The following ZNF679 variants were observed in gnomAD, a reference collection of about 807,000 sequenced individuals.
The protein encoded by ZNF679 is zinc finger protein 679, also known as hypothetical protein MGC42415.
Under a neutral mutation model 13.4 loss-of-function variants are expected in ZNF679, and 10 were observed. The observed-to-expected ratio is 0.75, with a 90% CI of 0.46 to 1.27. The LOEUF is 1.27. Ranked by LOEUF, ZNF679 falls within the 50% of genes most tolerant of loss-of-function variation. The pLI is 0.00. For synonymous variants in ZNF679, 179 were observed against 162.5 expected, an observed-to-expected ratio of 1.10 and a Z score of -0.77; for missense variants, 525 against 477.8, an observed-to-expected ratio of 1.10 and a Z score of -0.92.
At chr7:64,235,613 A>T (rs1483379555) in intron 1 of ZNF679, among the ~76,000 whole-genome samples, 1 of 151,920 alleles carries the variant, frequency 6.6e-6, no homozygotes, top group Non-Finnish European at 1.5e-5. Context: ...AAATGGTGAA[A>T]CCCTGTCTTT....
chr7:64,266,107 T>C lies in ZNF679; in HGVS notation c.474T>C (p.Thr158=). The change falls in exon 5 of 5, where the codon ACT becomes ACC. Residue 158 remains threonine (T), a synonymous_variant. Transcript: ENST00000421025. The stretch of plus-strand genomic sequence containing the variant: ...CTACCCAAAACAAAATATTTCAGAC[T>C]CATAAATGTGTCAAAGTCTTCGGCA... The part of the protein sequence containing the change: ...LSTTQNKIFQ[T]HKCVKVFGKF... 1 of 1,612,164 alleles carries C rather than the reference T, an allele frequency of 6.2e-7. No homozygotes were observed. The highest frequency in any genetic ancestry group is 8.5e-7 in the Non-Finnish European group (1 of 1,178,912).
chr7:64,253,067 C>T (rs1468862198), intron 2 of ZNF679, among the ~76,000 whole-genome samples: 5 of 152,066 alleles, frequency 3.3e-5, no homozygotes, highest in East Asian at 3.9e-4. Flanking sequence ...GATGGGACTG[C>T]GCACCTTCTA....
intron 4 of ZNF679, among the ~76,000 whole-genome samples, chr7:64,262,307 C>T (rs536192335): frequency 9.3e-4 from 142 of 152,250 alleles, no homozygotes; most frequent in South Asian, 8.1e-3. Flanking sequence ...AAATGTGTTA[C>T]TTGATTACAG....
Position 64,249,045 on chromosome 7 carries a change from T to G in ZNF679, c.-73T>G. 3.7e-6 allele frequency: 6 copies of G among 1,606,226 alleles called. No individual in the cohort carries two copies. Among genetic ancestry groups the G allele is most frequent in the Non-Finnish European group, 4.3e-6 (5 of 1,175,400 alleles). On this transcript the variant is annotated 5_prime_UTR_variant, in exon 2 of 5. Transcript: ENST00000421025. ...GCGTCCAGAGCTCCAGTTCTTCTCT[T>G]CACTGCTCTGCGTCCTCTGTTCCTA...
At chr7:64,256,129 C>G (rs1337676716) in intron 2 of ZNF679, among the ~76,000 whole-genome samples, 2 of 152,068 alleles carry the variant, frequency 1.3e-5, no homozygotes, top group Non-Finnish European at 2.9e-5. Context: ...TCCACGTGTT[C>G]TCATTATTTT....
At chr7:64,259,601 T>C (rs898811447) in intron 2 of ZNF679, among the ~76,000 whole-genome samples, 23 of 152,144 alleles carry the variant, frequency 1.5e-4, no homozygotes, top group Non-Finnish European at 1.5e-5. Context: ...GTTATCTGTA[T>C]CTTCAACTTT....
At chr7:64,237,395 A>G (rs1382641515) in intron 1 of ZNF679, among the ~76,000 whole-genome samples, 4 of 152,148 alleles carry the variant, frequency 2.6e-5, no homozygotes, top group Non-Finnish European at 2.9e-5. Context: ...TGGGGAGAGG[A>G]GTCCGCCCTC....
In ZNF679 at chr7:64,266,859, A is replaced by C; in HGVS notation, c.1226A>C (p.Lys409Thr). The C allele has an allele frequency of 6.4e-7, 1 of 1,563,566 alleles. No homozygotes were observed. Among genetic ancestry groups the C allele is most frequent in the East Asian group, 2.4e-5 (1 of 42,194 alleles). ...KSMHTGEKPYKCE is the reference protein window; with the variant it reads ...KSMHTGEKPYTCE ...ATGCATACTGGAGAGAAACCCTACA[A>C]ATGTGAATAATGTGATAAAGTCCAG... The change falls in exon 5 of 5, where the codon AAA becomes ACA. Residue 409 changes from lysine to threonine, a missense_variant. By Grantham distance (78) the Lys-to-Thr change is moderately conservative. Coordinates refer to ENST00000421025, the MANE Select transcript of ZNF679 (RefSeq NM_153363.3).
chr7:64,243,296 T>C (rs1442485943), intron 1 of ZNF679, among the ~76,000 whole-genome samples: 1 of 152,148 alleles, frequency 6.6e-6, no homozygotes, highest in Non-Finnish European at 1.5e-5. Context: ...ATCCCACCTG[T>C]GGGCAGAGAC....
intron 1 of ZNF679, among the ~76,000 whole-genome samples, chr7:64,245,556 G>A (rs1279297531): frequency 6.6e-6 from 1 of 152,102 alleles, no homozygotes; most frequent in Non-Finnish European, 1.5e-5. Context: ...CAAAAGTTTA[G>A]GTGATCTCTT....
At chr7:64,230,443 G>A (rs2116502957) in intron 1 of ZNF679, among the ~76,000 whole-genome samples, 1 of 151,472 alleles carries the variant, frequency 6.6e-6, no homozygotes, top group Non-Finnish European at 1.5e-5. Context: ...TGAGGCAGGA[G>A]AATGGCGTGA....
At chr7:64,258,073 C>G (rs552498177) in intron 2 of ZNF679, among the ~76,000 whole-genome samples, 27 of 152,042 alleles carry the variant, frequency 1.8e-4, no homozygotes, top group Non-Finnish European at 3.4e-4. Context: ...CAGTGCGGTT[C>G]GTGCTCCCAT....
At chr7:64,264,233 C>A (rs1252735223) in intron 4 of ZNF679, among the ~76,000 whole-genome samples, 6 of 145,060 alleles carry the variant, frequency 4.1e-5, no homozygotes, top group Non-Finnish European at 7.6e-5. Flanking sequence ...TAAATGTTAC[C>A]ACAATATTTT....
intron 2 of ZNF679, among the ~76,000 whole-genome samples, chr7:64,255,266 G>A (rs1787990647): frequency 6.6e-6 from 1 of 152,128 alleles, no homozygotes; most frequent in South Asian, 2.1e-4. Context: ...ACCACCACAT[G>A]ATTCTCACAC....
chr7:64,266,581 A>G lies in ZNF679; in HGVS notation c.948A>G (p.Arg316=). The stretch of plus-strand genomic sequence containing the variant: ...CCTCATCCCTCACTTACCACAAGAG[A>G]ATTCATACTGGAGAGAAACCCTACA... The part of the protein sequence containing the change: ...SLSSSLTYHK[R]IHTGEKPYTC... Residue 316 remains arginine (R), a synonymous_variant, in exon 5 of 5, where the codon AGA becomes AGG. Coordinates refer to ENST00000421025, the MANE Select transcript of ZNF679 (RefSeq NM_153363.3). 1 of 1,604,816 alleles carries G rather than the reference A, an allele frequency of 6.2e-7. No individual in the cohort carries two copies.
chr7:64,246,530 C>G (rs1399817215), intron 1 of ZNF679, among the ~76,000 whole-genome samples: 1 of 152,108 alleles, frequency 6.6e-6, no homozygotes, highest in African/African-American at 2.4e-5. Context: ...TGAGATCAAT[C>G]TGGCCAACAT....
intron 3 of ZNF679, 97 bp downstream of exon 3, chr7:64,260,444 G>C: frequency 2.0e-6 from 3 of 1,510,936 alleles, no homozygotes; most frequent in South Asian, 2.7e-5. Flanking sequence ...GTGAATTTTA[G>C]CTCTCTGATT....
intron 2 of ZNF679, among the ~76,000 whole-genome samples, chr7:64,256,296 A>G (rs1788004171): frequency 6.6e-6 from 1 of 152,084 alleles, no homozygotes; most frequent in Admixed American, 6.6e-5. Flanking sequence ...GTACATCCAC[A>G]TTTTCTTTAT....
At chr7:64,247,666 G>A (rs1787886611) in intron 1 of ZNF679, among the ~76,000 whole-genome samples, 1 of 152,020 alleles carries the variant, frequency 6.6e-6, no homozygotes, top group Non-Finnish European at 1.5e-5. Flanking sequence ...CGATTCTCCT[G>A]CCTCAGCCTC....
Sources: allele counts gnomAD v4.1 joint callset (sites outside exome capture counted in the v4.1 genomes callset), GRCh38; gene constraint gnomAD v4.1.1; transcripts MANE v1.5; gene names NCBI Gene and HGNC (gene_info 2026-07-23, HGNC 2026-07-21).